DMXL1: variants seen among roughly 807,000 people sequenced by gnomAD.
DMXL1 encodes Dmx like 1, also known as dmX-like protein 1.
A neutral mutation model predicts 319.2 loss-of-function variants in DMXL1; 99 were observed. The ratio of observed to expected loss-of-function variants is 0.31; its 90% CI spans 0.26 to 0.37. The LOEUF is 0.37. Among genes scored for constraint, DMXL1 ranks in the 10% least tolerant of loss-of-function variants. The probability of loss-of-function intolerance (pLI) is 1.00; values close to 1 mark genes in which losing one functional copy is unlikely to be tolerated. For missense variants in DMXL1, 3,745 were observed against 3,595.6 expected (o/e 1.04, Z -1.06); for synonymous variants, 1,385 against 1,235.2 (o/e 1.12, Z -2.54).
At chr5:119,094,710 A>G (rs1755537836) in intron 1 of DMXL1, among the ~76,000 whole-genome samples, 1 of 152,200 alleles carries the variant, frequency 6.6e-6, no homozygotes, top group South Asian at 2.1e-4. Context: ...TCTAGATGCC[A>G]TTAGGGACAT....
chr5:119,101,460 A>T (rs1757264194), intron 2 of DMXL1, among the ~76,000 whole-genome samples: 2 of 152,234 alleles, frequency 1.3e-5, no homozygotes, highest in African/African-American at 4.8e-5. Flanking sequence ...TTTAAAGAGT[A>T]AATTCAAAGG....
chr5:119,112,243 G>A (rs1203590297), intron 5 of DMXL1, among the ~76,000 whole-genome samples: 3 of 152,252 alleles, frequency 2.0e-5, no homozygotes, highest in Admixed American at 2.0e-4. Context: ...TTACAGGCAT[G>A]AGCCACCGTG....
chr5:119,179,825 C>T (rs185071174), intron 28 of DMXL1, among the ~76,000 whole-genome samples: 1 of 152,250 alleles, frequency 6.6e-6, no homozygotes, highest in East Asian at 1.9e-4. Flanking sequence ...CCTCTTTCTT[C>T]CATCAAGAAA....
At chr5:119,117,524 TG>T (rs1053931981) in intron 7 of DMXL1, among the ~76,000 whole-genome samples, 1 of 150,340 alleles carries the variant, frequency 6.7e-6, no homozygotes, top group African/African-American at 2.5e-5. Context: ...GGTGTGAGGA[TG>T]GGGAAAGGAG....
chr5:119,121,273 C>CT (rs1227913124), intron 9 of DMXL1, 134 bp downstream of exon 9: 95 of 643,796 alleles, frequency 1.5e-4, no homozygotes, highest in Non-Finnish European at 1.7e-4. Context: ...TTTTTTTTTT[C>CT]TTTTTTTTTA....
At chr5:119,222,456 T>C (rs1490028251) in intron 37 of DMXL1, among the ~76,000 whole-genome samples, 5 of 152,206 alleles carry the variant, frequency 3.3e-5, no homozygotes, top group Admixed American at 3.3e-4. Flanking sequence ...AATTCATTGG[T>C]AAAACTTACT....
intron 42 of DMXL1, among the ~76,000 whole-genome samples, chr5:119,241,511 G>T (rs1390129273): frequency 1.3e-5 from 2 of 149,516 alleles, no homozygotes; most frequent in Admixed American, 1.3e-4. Context: ...CTCCAGCCTG[G>T]GCGACAGAGC....
Position 119,248,211 on chromosome 5 carries a change from G to A in DMXL1, c.*992G>A, listed in dbSNP as rs1462595766. ...ATCTCAAAATTCTGAAAAGCGAATA[G>A]CAGTGTTTTCAGAAACAAATGTGAA... On this transcript the variant is annotated 3_prime_UTR_variant, in exon 44 of 44. Transcript: ENST00000539542. The A allele has an allele frequency of 6.6e-6, 1 of 152,340 alleles. No homozygotes were observed. The highest frequency in any genetic ancestry group is 1.5e-5 in the Non-Finnish European group (1 of 67,930). 9.4% of individuals were successfully genotyped at this position (152,340 alleles called of 1,614,324 possible). A position where few individuals can be genotyped will look rare whatever the true frequency, so the allele number is the denominator to read the frequency against.
intron 8 of DMXL1, among the ~76,000 whole-genome samples, chr5:119,120,141 T>G (rs1048384844): frequency 2.0e-5 from 3 of 152,232 alleles, no homozygotes; most frequent in African/African-American, 7.2e-5. Flanking sequence ...TCAAGTGATC[T>G]GACTGCCTTG....
At chr5:119,186,331 T>G (rs1416525956) in intron 28 of DMXL1, among the ~76,000 whole-genome samples, 1 of 152,100 alleles carries the variant, frequency 6.6e-6, no homozygotes, top group Non-Finnish European at 1.5e-5. Flanking sequence ...AGTGCAATGG[T>G]GTGATCTCAG....
At chr5:119,163,166 A>C (rs1418725785) in intron 19 of DMXL1, among the ~76,000 whole-genome samples, 1 of 152,196 alleles carries the variant, frequency 6.6e-6, no homozygotes, top group Admixed American at 6.5e-5. Context: ...GCCAGATTCT[A>C]TTCTAAATTT....
chr5:119,239,975 C>A lies in DMXL1; in HGVS notation c.8652-444C>A, dbSNP rs868217499. 8.1e-3 allele frequency among the ~76,000 whole-genome samples: 981 copies of A among 120,582 alleles called. 3 individuals carry two copies. Among genetic ancestry groups the A allele is most frequent in the Non-Finnish European group, 9.2e-3 (507 of 54,930 alleles). 79.1% of individuals were successfully genotyped at this position (120,582 alleles called of 152,430 possible). On this transcript the variant is annotated intron_variant, in intron 41 of 43. Transcript: ENST00000539542. The stretch of plus-strand genomic sequence containing the variant: ...ACTCCATCTCAAAAAAAAAAAAAAA[C>A]AAAAAATTGTAGCCAGAGCATGTTG...
At chr5:119,179,201 A>G (rs754171214) in intron 28 of DMXL1, among the ~76,000 whole-genome samples, 6 of 151,798 alleles carry the variant, frequency 4.0e-5, no homozygotes, top group African/African-American at 1.2e-4. Context: ...TAGTTTTCCA[A>G]TTATGGAGGG....
chr5:119,123,358 G>A (rs1381015737), intron 9 of DMXL1, among the ~76,000 whole-genome samples: 1 of 128,748 alleles, frequency 7.8e-6, no homozygotes, highest in Admixed American at 7.6e-5. Flanking sequence ...AGGAGGGAGA[G>A]GGAGAGGAGG....
At chr5:119,206,105 A>C (rs1003282367) in intron 33 of DMXL1, among the ~76,000 whole-genome samples, 2 of 152,084 alleles carry the variant, frequency 1.3e-5, no homozygotes, top group Non-Finnish European at 2.9e-5. Flanking sequence ...CCTGTGTTTT[A>C]AAATAGAATG....
At position 119,118,986 on chromosome 5, in the gene DMXL1, A is replaced by G; in HGVS notation, c.915A>G (p.Arg305=). 2 of 1,611,776 alleles carry G rather than the reference A, an allele frequency of 1.2e-6. No homozygotes were observed. Among genetic ancestry groups the G allele is most frequent in the Non-Finnish European group, 1.7e-6 (2 of 1,179,200 alleles). Residue 305 remains arginine, a synonymous_variant, in exon 8 of 44, where the codon CGA becomes CGG. Transcript: ENST00000539542. ...AGAGAAATGCTTCCAGTAAAGAACG[A>G]GTTCAAAATGCTTTAGAAGTGAGTG... The part of the protein sequence containing the change: ...NFKRNASSKE[R]VQNALEVNLR...
In DMXL1 at chr5:119,142,528, A is replaced by G. The variant is rs564077858; in HGVS notation, c.2377-1313A>G. Among the ~76,000 whole-genome samples, 5 of 151,642 alleles carry G rather than the reference A, an allele frequency of 3.3e-5. No homozygotes were observed. In the East Asian group the frequency reaches 9.7e-4, roughly 29 times the overall value. Reference sequence around the variant, plus strand: ...CTATTATTAAAAAGTAAAAAAAAAAAAAAAAAAAAAGATGCTGATGAGGTT... The same window carrying G: ...CTATTATTAAAAAGTAAAAAAAAAAGAAAAAAAAAAGATGCTGATGAGGTT... On this transcript the variant is annotated intron_variant, in intron 13 of 43. Transcript: ENST00000539542.
chr5:119,215,829 G>T (rs1178217789), intron 34 of DMXL1, among the ~76,000 whole-genome samples: 1 of 152,028 alleles, frequency 6.6e-6, no homozygotes, highest in Admixed American at 6.5e-5. Context: ...GGGTGTGGTG[G>T]CTCACGCCCA....
chr5:119,120,158 C>A (rs2149937511), intron 8 of DMXL1, among the ~76,000 whole-genome samples: 1 of 152,358 alleles, frequency 6.6e-6, no homozygotes, highest in African/African-American at 2.4e-5. Flanking sequence ...CTTGGCCTCC[C>A]AAAGTGCTGG....
Sources: gnomAD v4.1 joint callset for allele counts (sites outside exome capture counted in the v4.1 genomes callset) on GRCh38, gnomAD v4.1.1 for gene constraint, MANE v1.5 for transcripts, NCBI Gene and HGNC (gene_info 2026-07-23, HGNC 2026-07-21) for gene names.